PLPBP: variants seen among roughly 807,000 people sequenced by gnomAD.
PLPBP encodes pyridoxal phosphate binding protein, also known as pyridoxal phosphate homeostasis protein.
Under a neutral mutation model 31.2 loss-of-function variants are expected in PLPBP, and 21 were observed. The ratio of observed to expected loss-of-function variants is 0.67; its 90% CI spans 0.48 to 0.97. The LOEUF (loss-of-function observed/expected upper bound fraction) is 0.97, where lower values mean the gene tolerates loss of function less well. Ranked by LOEUF, PLPBP falls within the 50% of genes least tolerant of loss-of-function variation. PLPBP has a pLI of 0.00. For synonymous variants in PLPBP, 124 were observed against 135.6 expected (o/e 0.91, Z 0.59); for missense variants, 308 against 354.4 (o/e 0.87, Z 1.05).
intron 4 of PLPBP, among the ~76,000 whole-genome samples, chr8:37,768,465 C>CTTTTTTTTTTTTTTTTT (rs903134254): frequency 5.2e-5 from 4 of 76,828 alleles, no homozygotes; most frequent in Non-Finnish European, 7.2e-5. Flanking sequence ...TTTTGATTTT[C>CTTTTTTTTTTTTTTTTT]TTTTTTTTTT....
chr8:37,762,801 A>C (rs1311394125), intron 1 of PLPBP, 43 bp downstream of exon 1: 1 of 1,528,294 alleles, frequency 6.5e-7, no homozygotes, highest in African/African-American at 1.4e-5. Context: ...GGCCGCCTTG[A>C]GAAGAGGGAC....
chr8:37,775,689 G>A (rs1803883767), intron 6 of PLPBP, among the ~76,000 whole-genome samples: 1 of 152,270 alleles, frequency 6.6e-6, no homozygotes, highest in South Asian at 2.1e-4. Context: ...CTTGAACTTG[G>A]CTAAAACATA....
At chr8:37,768,199 CAAAAT>C (rs1297323182) in intron 4 of PLPBP, among the ~76,000 whole-genome samples, 1 of 152,010 alleles carries the variant, frequency 6.6e-6, no homozygotes, top group African/African-American at 2.4e-5. Context: ...GTCATATAAA[CAAAAT>C]AACTGTGTTA....
At chr8:37,774,358 G>C (rs559649187) in intron 5 of PLPBP, among the ~76,000 whole-genome samples, 53 of 152,336 alleles carry the variant, frequency 3.5e-4, no homozygotes, top group African/African-American at 1.3e-3. Flanking sequence ...CTACTTTCCA[G>C]TATTGTAACC....
At position 37,763,140 on chromosome 8, in the gene PLPBP, G is replaced by T. The variant is rs138022280; in HGVS notation, c.99+382G>T. On this transcript the variant is annotated intron_variant, in intron 1 of 7. Coordinates refer to ENST00000328195, the MANE Select transcript of PLPBP (RefSeq NM_007198.4). ...AGAGCACCCCGCGGAGGCCAGAGAC[G>T]CCCGAGATCGCGTGTGTGGCAGCGT... Among the ~76,000 whole-genome samples, 449 of 152,272 alleles carry T rather than the reference G, an allele frequency of 2.9e-3. 1 individual carries two copies. Among genetic ancestry groups the T allele is most frequent in the African/African-American group, 1.0e-2 (415 of 41,564 alleles).
intron 7 of PLPBP, among the ~76,000 whole-genome samples, chr8:37,776,348 C>T (rs1450776650): frequency 3.3e-5 from 5 of 151,714 alleles, no homozygotes; most frequent in African/African-American, 4.8e-5. Flanking sequence ...TGGTGGCGCA[C>T]GCCTGTAATC....
chr8:37,775,834 G>A lies in PLPBP; in HGVS notation c.598-84G>A, dbSNP rs375839065. 204 of 1,327,158 alleles carry A rather than the reference G, an allele frequency of 1.5e-4. No individual in the cohort carries two copies. In the African/African-American group the frequency reaches 1.9e-3, roughly 13 times the overall value. The allele number at this position is 1,327,158 out of a possible 1,614,324, so 82.2% of individuals were successfully genotyped here. ...TTGAAATCATAAGGAATACATAACC[G>A]TTGTCAGAGAAGTTCAGATTCAGAC... is the stretch of plus-strand genomic sequence containing the variant. On this transcript the variant is annotated intron_variant, in intron 6 of 7. Coordinates refer to ENST00000328195, the MANE Select transcript of PLPBP (RefSeq NM_007198.4).
intron 4 of PLPBP, among the ~76,000 whole-genome samples, chr8:37,771,197 C>G (rs909237511): frequency 1.3e-5 from 2 of 152,166 alleles, no homozygotes; most frequent in East Asian, 3.9e-4. Flanking sequence ...AGTGCAGTGG[C>G]GTGATCCCGG....
rs1051197014 is a variant in PLPBP, at chr8:37,773,657, C to T, written c.454+768C>T. On this transcript the variant is annotated intron_variant, in intron 5 of 7. Coordinates refer to ENST00000328195, the MANE Select transcript of PLPBP (RefSeq NM_007198.4). ...CTAATATTTGTATTTTTAGTAGAGA[C>T]GGAGTTTCGCCATATTGGTCAGGCT... 3.3e-5 allele frequency among the ~76,000 whole-genome samples: 5 copies of T among 151,444 alleles called. No homozygotes were observed. The East Asian group carries it at 7.9e-4, about 24-fold the overall frequency.
chr8:37,776,956 A>C (rs759172609), intron 7 of PLPBP, among the ~76,000 whole-genome samples: 6 of 152,164 alleles, frequency 3.9e-5, no homozygotes, highest in Non-Finnish European at 7.3e-5. Context: ...TAGTTAAGAC[A>C]GGGTTTCACC....
At chr8:37,768,022 G>C (rs1803679635) in intron 4 of PLPBP, among the ~76,000 whole-genome samples, 1 of 151,802 alleles carries the variant, frequency 6.6e-6, no homozygotes, top group Admixed American at 6.6e-5. Context: ...GGCCAGGCTG[G>C]TCTCGAACTC....
chr8:37,772,417 C>T (rs530725529), intron 4 of PLPBP, among the ~76,000 whole-genome samples: 8 of 152,330 alleles, frequency 5.3e-5, no homozygotes, highest in South Asian at 2.1e-4. Flanking sequence ...TCATTGTCAT[C>T]CTGACCTGTT....
At chr8:37,775,586 G>C in intron 6 of PLPBP, 105 bp downstream of exon 6, 1 of 1,496,928 alleles carries the variant, frequency 6.7e-7, no homozygotes, top group Non-Finnish European at 9.1e-7. Flanking sequence ...CCCAGACACT[G>C]CCTGTTGAGT....
intron 4 of PLPBP, among the ~76,000 whole-genome samples, chr8:37,767,046 C>CAAA (rs377103424): frequency 1.9e-3 from 108 of 57,078 alleles, no homozygotes; most frequent in African/African-American, 4.4e-3. Context: ...GACTTCATCC[C>CAAA]AAAAAAAAAA....
Position 37,775,201 on chromosome 8 carries a change from T to C in PLPBP, c.455-138T>C, listed in dbSNP as rs960124089. ...TAGAAAACCCCAAGTATAAAGTTACTCTTTAGGACTTGAGGCTCTTTCAAG... is the reference window on the plus strand; with the variant it reads ...TAGAAAACCCCAAGTATAAAGTTACCCTTTAGGACTTGAGGCTCTTTCAAG... On this transcript the variant is annotated intron_variant, in intron 5 of 7. Coordinates refer to ENST00000328195, the MANE Select transcript of PLPBP (RefSeq NM_007198.4). The C allele has an allele frequency of 2.5e-5, 23 of 924,808 alleles. No individual in the cohort carries two copies. In the African/African-American group the frequency reaches 3.8e-4, roughly 15 times the overall value. The allele number at this position is 924,808 out of a possible 1,614,324, so 57.3% of individuals were successfully genotyped here.
At chr8:37,769,211 C>G (rs762243955) in intron 4 of PLPBP, among the ~76,000 whole-genome samples, 7 of 151,970 alleles carry the variant, frequency 4.6e-5, no homozygotes, top group Non-Finnish European at 7.4e-5. Flanking sequence ...TGGTGTGTGT[C>G]TGTGGTCCCA....
chr8:37,772,591 T>C (rs1383964716), intron 4 of PLPBP, among the ~76,000 whole-genome samples, 164 bp from the exon 5 acceptor site: 1 of 152,244 alleles, frequency 6.6e-6, no homozygotes, highest in Non-Finnish European at 1.5e-5. Flanking sequence ...TTTGAATTTG[T>C]ATCTAGTAAA....
intron 3 of PLPBP, 136 bp downstream of exon 3, chr8:37,765,882 C>T: frequency 2.2e-6 from 2 of 914,198 alleles, no homozygotes; most frequent in East Asian, 5.0e-5. Flanking sequence ...ATAGAAATGT[C>T]AGCTTCCTCC....
Position 37,765,848 on chromosome 8 carries a change from G to C in PLPBP, c.243+102G>C, listed in dbSNP as rs151096466. On this transcript the variant is annotated intron_variant, in intron 3 of 7. Coordinates refer to ENST00000328195, the MANE Select transcript of PLPBP (RefSeq NM_007198.4). ...TTGAGTTGTACAGCAGTTTTAGGGT[G>C]GTTGACTTTAGATTGGGCCAGGGAT... 1,026 of 1,305,554 alleles carry C rather than the reference G, an allele frequency of 7.9e-4. 5 individuals carry two copies. The African/African-American group carries it at 0.014, about 18-fold the overall frequency. The allele number at this position is 1,305,554 out of a possible 1,614,324, so 80.9% of individuals were successfully genotyped here.
Sources: allele counts gnomAD v4.1 joint callset (sites outside exome capture counted in the v4.1 genomes callset), GRCh38; gene constraint gnomAD v4.1.1; transcripts MANE v1.5; gene names NCBI Gene and HGNC (gene_info 2026-07-23, HGNC 2026-07-21).